The following GPHN variants were observed in gnomAD, a reference collection of about 807,000 sequenced individuals.
GPHN encodes gephyrin.
GPHN carries 17 observed loss-of-function variants against 95.5 expected under a neutral mutation model. That is an observed-to-expected ratio of 0.18 (90% confidence interval 0.12 to 0.27). GPHN has a LOEUF of 0.27. GPHN is among the 10% of genes least tolerant of loss of function. The pLI is 1.00. For synonymous variants in GPHN, 320 were observed against 322.5 expected, an observed-to-expected ratio of 0.99 and a Z score of 0.08; for missense variants, 660 against 978.1, an observed-to-expected ratio of 0.67 and a Z score of 4.34.
intron 11 of GPHN, among the ~76,000 whole-genome samples, chr14:67,079,691 G>A (rs1376280104): frequency 6.6e-6 from 1 of 151,936 alleles, no homozygotes; most frequent in Non-Finnish European, 1.5e-5. Context: ...TCATATTTTT[G>A]TGAGACAGAT....
chr14:66,621,954 G>A lies in GPHN; in HGVS notation c.65-59153G>A, dbSNP rs2063324988. On this transcript the variant is annotated intron_variant, in intron 1 of 22. Coordinates refer to ENST00000478722, the MANE Select transcript of GPHN (RefSeq NM_020806.5). Reference sequence around the variant, plus strand: ...CCATTATGGGGTCTGGAGGATGGTGGCCCTTTCTCACAGTTCCACTAGGTT... The same window carrying A: ...CCATTATGGGGTCTGGAGGATGGTGACCCTTTCTCACAGTTCCACTAGGTT... 2.0e-5 allele frequency among the ~76,000 whole-genome samples: 3 copies of A among 152,126 alleles called. No individual in the cohort carries two copies. In the South Asian group the frequency reaches 6.2e-4, roughly 32 times the overall value.
chr14:67,086,749 G>A (rs1038730459), intron 11 of GPHN, among the ~76,000 whole-genome samples: 6 of 149,266 alleles, frequency 4.0e-5, no homozygotes, highest in Admixed American at 1.3e-4. Flanking sequence ...GTATTTAAAC[G>A]TCTCTTCCGG....
At chr14:67,424,756 G>A in the GPHN span, among the ~76,000 whole-genome samples, 1 of 152,106 alleles carries the variant, frequency 6.6e-6, no homozygotes, top group Non-Finnish European at 1.5e-5. Context: ...TGTGGGGTGG[G>A]GAGGAAGCCC....
intron 19 of GPHN, among the ~76,000 whole-genome samples, chr14:67,163,876 C>T (rs1438679212): frequency 6.6e-6 from 1 of 151,898 alleles, no homozygotes; most frequent in Non-Finnish European, 1.5e-5. Flanking sequence ...CTATTCTCAA[C>T]TGCCCACTCT....
chr14:67,727,305 C>A, the GPHN span: 1 of 796,308 alleles, frequency 1.3e-6, no homozygotes, highest in Non-Finnish European at 2.1e-6. Flanking sequence ...TCTCTGTGGA[C>A]TAAGGAGAAT....
chr14:67,368,097 A>C, the GPHN span, among the ~76,000 whole-genome samples: 7 of 152,204 alleles, frequency 4.6e-5, no homozygotes, highest in Non-Finnish European at 7.3e-5. Context: ...TGTGCCATGC[A>C]GGGCCACATG....
chr14:67,113,649 T>A (rs192424000), intron 16 of GPHN, among the ~76,000 whole-genome samples: 3 of 151,954 alleles, frequency 2.0e-5, no homozygotes, highest in Admixed American at 2.0e-4. Context: ...AAGAGGGATT[T>A]GATAATCAGG....
At chr14:66,587,015 A>G (rs1028305430) in intron 1 of GPHN, among the ~76,000 whole-genome samples, 55 of 152,182 alleles carry the variant, frequency 3.6e-4, no homozygotes, top group Non-Finnish European at 2.9e-4. Flanking sequence ...GAAAAATGAC[A>G]GAAGACTGAA....
downstream of GPHN, among the ~76,000 whole-genome samples, chr14:67,185,954 A>G (rs1015134805): frequency 9.9e-5 from 15 of 152,206 alleles, no homozygotes; most frequent in Non-Finnish European, 1.9e-4. Flanking sequence ...TAAATAATGC[A>G]TTGCATTCTG....
At chr14:66,788,603 T>C (rs2153469545) in intron 3 of GPHN, among the ~76,000 whole-genome samples, 1 of 152,326 alleles carries the variant, frequency 6.6e-6, no homozygotes, top group East Asian at 1.9e-4. Flanking sequence ...ACATTTCATC[T>C]TTGCATTGAT....
the GPHN span, chr14:67,364,203 T>C: frequency 6.6e-6 from 1 of 152,182 alleles, no homozygotes; most frequent in Non-Finnish European, 1.5e-5. Context: ...TTTTAGTTTA[T>C]TTTGTGATTA....
intron 1 of GPHN, among the ~76,000 whole-genome samples, chr14:66,561,792 G>A (rs1189043571): frequency 6.6e-6 from 1 of 152,046 alleles, no homozygotes; most frequent in East Asian, 1.9e-4. Context: ...TTATTATGTA[G>A]TTCTGAAGAT....
chr14:67,605,197 G>GA, the GPHN span, among the ~76,000 whole-genome samples: 1 of 152,130 alleles, frequency 6.6e-6, no homozygotes, highest in Non-Finnish European at 1.5e-5. Context: ...TCCAATCCAT[G>GA]AACCTGGCAT....
intron 2 of GPHN, among the ~76,000 whole-genome samples, chr14:66,734,855 TA>T (rs2072115419): frequency 6.6e-6 from 1 of 152,178 alleles, no homozygotes; most frequent in Non-Finnish European, 1.5e-5. Flanking sequence ...AGGTATAAAG[TA>T]AAGGATAAGG....
chr14:67,519,844 T>G, the GPHN span, among the ~76,000 whole-genome samples: 1 of 151,826 alleles, frequency 6.6e-6, no homozygotes, highest in Admixed American at 6.6e-5. Flanking sequence ...TGCTTCAGCC[T>G]CCCATGTAGC....
the GPHN span, chr14:67,390,593 C>A: frequency 2.7e-6 from 3 of 1,097,222 alleles, no homozygotes; most frequent in Non-Finnish European, 4.2e-6. Flanking sequence ...CAGCTGCCCG[C>A]CATGCCAGGA....
chr14:67,270,222 C>G, the GPHN span: 1 of 152,162 alleles, frequency 6.6e-6, no homozygotes, highest in East Asian at 1.9e-4. Context: ...TATTTAGCTT[C>G]CCATTGCCCC....
the GPHN span, among the ~76,000 whole-genome samples, chr14:67,397,496 T>C: frequency 2.6e-5 from 4 of 152,242 alleles, no homozygotes; most frequent in African/African-American, 9.6e-5. Flanking sequence ...GTTTAGCTAC[T>C]TGTCCAAGCT....
chr14:67,577,522 A>C, the GPHN span: 4 of 720,264 alleles, frequency 5.6e-6, no homozygotes, highest in Admixed American at 6.8e-5. Context: ...AGAGGAAGGG[A>C]AGGAAACTTC....
Sources: allele counts gnomAD v4.1 joint callset (sites outside exome capture counted in the v4.1 genomes callset), GRCh38; gene constraint gnomAD v4.1.1; transcripts MANE v1.5; gene names NCBI Gene and HGNC (gene_info 2026-07-23, HGNC 2026-07-21).